The following ANKRD30B variants were observed in gnomAD, a reference collection of about 807,000 sequenced individuals.
ANKRD30B encodes ankyrin repeat domain-containing protein 30B.
A neutral mutation model predicts 202.2 loss-of-function variants in ANKRD30B; 144 were observed. That is an observed-to-expected ratio of 0.71 (90% CI 0.62 to 0.82). The LOEUF (loss-of-function observed/expected upper bound fraction) is 0.82. Ranked by LOEUF, ANKRD30B falls within the 40% of genes least tolerant of loss-of-function variation. ANKRD30B has a pLI of 0.00. For missense variants in ANKRD30B, 1,487 were observed against 1,669.1 expected, an observed-to-expected ratio of 0.89 and a Z score of 1.90; for synonymous variants, 508 against 561.3, an observed-to-expected ratio of 0.91 and a Z score of 1.34.
At position 14,843,031 on chromosome 18, in the gene ANKRD30B, C is replaced by T. The variant is rs765993390; in HGVS notation, c.3116C>T (p.Thr1039Ile). 32 of 1,597,548 alleles carry T rather than the reference C, an allele frequency of 2.0e-5. No homozygotes were observed. The South Asian group carries it at 3.2e-4, about 16-fold the overall frequency. ...TCTTCCAAACCCGTTTAGCCTGCCACTGAAATGCAAAACTCTGTTCCAAAT... is the reference window on the plus strand; with the variant it reads ...TCTTCCAAACCCGTTTAGCCTGCCATTGAAATGCAAAACTCTGTTCCAAAT... Reference protein sequence around the residue: ...PEKPSHFEPATEMQNSVPNKG... With the variant: ...PEKPSHFEPAIEMQNSVPNKG... Residue 1039 changes from threonine (T) to isoleucine (I), a missense_variant, in exon 39 of 44, where the codon ACT becomes ATT. Physicochemically the swap from Thr to Ile is moderately conservative, Grantham distance 89. This residue lies in a region of ANKRD30B where 218 missense variants were observed against 320.1 expected (regional missense o/e 0.68). Transcript: ENST00000690538.
intron 30 of ANKRD30B, among the ~76,000 whole-genome samples, chr18:14,819,754 T>A (rs1041230845): frequency 6.6e-6 from 1 of 152,200 alleles, no homozygotes; most frequent in African/African-American, 2.4e-5. Flanking sequence ...CATGCTGTTT[T>A]GGTTACTGTA....
intron 7 of ANKRD30B, among the ~76,000 whole-genome samples, chr18:14,766,046 G>A (rs1170032957): frequency 2.6e-5 from 4 of 152,170 alleles, no homozygotes; most frequent in Non-Finnish European, 5.9e-5. Flanking sequence ...GAAAGATAAA[G>A]CAAGGGCAGA....
the ANKRD30B span, among the ~76,000 whole-genome samples, chr18:14,936,632 C>G: frequency 3.1e-3 from 472 of 152,270 alleles, 3 homozygotes; most frequent in Non-Finnish European, 4.9e-3. Context: ...ACAGGCAATT[C>G]TCATCTAGGC....
the ANKRD30B span, among the ~76,000 whole-genome samples, chr18:14,922,107 C>T: frequency 1.4e-4 from 21 of 152,176 alleles, no homozygotes; most frequent in Non-Finnish European, 2.6e-4. Context: ...CCATCCCTTC[C>T]TCATCTTCTG....
At chr18:14,753,134 C>T (rs1396918837) in intron 3 of ANKRD30B, 122 bp downstream of exon 3, 2 of 763,888 alleles carry the variant, frequency 2.6e-6, no homozygotes, top group East Asian at 2.9e-5. Flanking sequence ...TTTGAAAGAA[C>T]TTAATTATCT....
chr18:14,869,125 G>A, the ANKRD30B span, among the ~76,000 whole-genome samples: 3 of 152,302 alleles, frequency 2.0e-5, no homozygotes, highest in African/African-American at 4.8e-5. Context: ...GCCTCTTGTT[G>A]AGTAGACTCC....
chr18:14,750,869 T>G (rs1480933113), intron 1 of ANKRD30B, among the ~76,000 whole-genome samples: 1 of 152,102 alleles, frequency 6.6e-6, no homozygotes, highest in Non-Finnish European at 1.5e-5. Flanking sequence ...GTCCAAAATT[T>G]GATAACATTT....
chr18:14,787,329 G>A (rs1968154599), intron 15 of ANKRD30B, among the ~76,000 whole-genome samples: 1 of 152,152 alleles, frequency 6.6e-6, no homozygotes, highest in African/African-American at 2.4e-5. Flanking sequence ...GTGGTATAGT[G>A]TAAAAAATAA....
the ANKRD30B span, among the ~76,000 whole-genome samples, chr18:14,881,560 T>A: frequency 6.6e-6 from 1 of 152,156 alleles, no homozygotes; most frequent in Non-Finnish European, 1.5e-5. Context: ...GGTTATGTTC[T>A]TTCATGGTTT....
chr18:14,918,937 T>A, the ANKRD30B span, among the ~76,000 whole-genome samples: 1 of 152,270 alleles, frequency 6.6e-6, no homozygotes, highest in East Asian at 1.9e-4. Context: ...TCACAGAAAT[T>A]AGTTCACTGA....
At chr18:14,853,457 C>A (rs1039877100) in intron 42 of ANKRD30B, among the ~76,000 whole-genome samples, 2 of 151,256 alleles carry the variant, frequency 1.3e-5, no homozygotes, top group Admixed American at 6.6e-5. Context: ...ATGTGAGGAA[C>A]TTTGATGTTG....
At chr18:14,851,378 G>C in intron 41 of ANKRD30B, 131 bp from the exon 42 acceptor site, 1 of 942,700 alleles carries the variant, frequency 1.1e-6, no homozygotes. Context: ...TGATTCAATG[G>C]TTCTTCAACT....
intron 5 of ANKRD30B, 76 bp from the exon 6 acceptor site, chr18:14,760,478 G>C: frequency 1.2e-6 from 1 of 817,014 alleles, no homozygotes; most frequent in Non-Finnish European, 1.9e-6. Context: ...AATACTCTAA[G>C]AACTTAATAA....
At chr18:14,868,469 G>T in the ANKRD30B span, among the ~76,000 whole-genome samples, 1 of 152,286 alleles carries the variant, frequency 6.6e-6, no homozygotes, top group Non-Finnish European at 1.5e-5. Context: ...GGGACAAAAG[G>T]CTTCTTTCCT....
At chr18:14,921,539 G>A in the ANKRD30B span, among the ~76,000 whole-genome samples, 1 of 150,168 alleles carries the variant, frequency 6.7e-6, no homozygotes, top group Admixed American at 6.8e-5. Flanking sequence ...TCCTCAGTGA[G>A]GGTAGAATCT....
chr18:14,762,980 G>T (rs1238313734), intron 6 of ANKRD30B, among the ~76,000 whole-genome samples: 1 of 151,956 alleles, frequency 6.6e-6, no homozygotes, highest in African/African-American at 2.4e-5. Context: ...TCATTTATCT[G>T]CTTGTCCACT....
At chr18:14,770,500 A>G (rs1966922889) in intron 8 of ANKRD30B, among the ~76,000 whole-genome samples, 2 of 152,152 alleles carry the variant, frequency 1.3e-5, no homozygotes, top group Admixed American at 1.3e-4. Flanking sequence ...AATTAAACAA[A>G]TGGAAAAGGA....
chr18:14,931,381 G>C, the ANKRD30B span, among the ~76,000 whole-genome samples: 1 of 152,192 alleles, frequency 6.6e-6, no homozygotes, highest in Non-Finnish European at 1.5e-5. Context: ...AACTCTGCAT[G>C]TCAAACACCC....
chr18:14,827,905 C>T (rs1970730702), intron 32 of ANKRD30B, among the ~76,000 whole-genome samples: 1 of 152,094 alleles, frequency 6.6e-6, no homozygotes, highest in African/African-American at 2.4e-5. Context: ...AATAAGCATT[C>T]TTAATGCATT....
Sources: gnomAD v4.1 joint callset for allele counts (sites outside exome capture counted in the v4.1 genomes callset) on GRCh38, gnomAD v4.1.1 for gene constraint, gnomAD v4.1.1 regional missense constraint, MANE v1.5 for transcripts, NCBI Gene and HGNC (gene_info 2026-07-23, HGNC 2026-07-21) for gene names.